Variants in HEATR5B observed in about 807,000 individuals in gnomAD.
The protein encoded by HEATR5B is HEAT repeat-containing protein 5B.
Under a neutral mutation model 224.1 loss-of-function variants are expected in HEATR5B, and 156 were observed. That is an observed-to-expected ratio of 0.70 (90% CI 0.61 to 0.80). The LOEUF (loss-of-function observed/expected upper bound fraction) is 0.80. Among genes scored for constraint, HEATR5B ranks in the 30% least tolerant of loss-of-function variants. HEATR5B has a pLI of 0.00. For synonymous variants in HEATR5B, 1,027 were observed against 893.0 expected (o/e 1.15, Z -2.68); for missense variants, 2,323 against 2,535.5 (o/e 0.92, Z 1.80).
chr2:37,060,071 G>A (rs560626226), intron 12 of HEATR5B, among the ~76,000 whole-genome samples: 111 of 152,252 alleles, frequency 7.3e-4, no homozygotes, highest in Non-Finnish European at 1.4e-3. Flanking sequence ...TTTCCTGTAA[G>A]CTGTTAACTC....
rs1670925857 is a variant in HEATR5B at position 37,056,575 on chromosome 2, T to C, written c.2264A>G (p.His755Arg). 1.2e-6 allele frequency: 2 copies of C among 1,611,972 alleles called. No individual in the cohort carries two copies. The highest frequency in any genetic ancestry group is 1.7e-6 in the Non-Finnish European group (2 of 1,179,024). Residue 755 changes from histidine to arginine, a missense_variant, in exon 16 of 36, where the codon CAT becomes CGT. Coordinates refer to ENST00000233099, the MANE Select transcript of HEATR5B (RefSeq NM_019024.3). The stretch of plus-strand genomic sequence containing the variant: ...GCGTAAATAAATAGAGGAAGGATCA[T>C]GCTCCAGAGCCCCACTTCCAGAGGC... ...NSASGSGALE[H>R]DPSSIYLRIP... is the part of the protein sequence containing the mutation.
chr2:36,986,770 C>T (rs918539935), intron 35 of HEATR5B, among the ~76,000 whole-genome samples: 29 of 152,102 alleles, frequency 1.9e-4, no homozygotes, highest in Non-Finnish European at 2.4e-4. Context: ...GCGCATACCA[C>T]GAGGCCTGGC....
intron 33 of HEATR5B, among the ~76,000 whole-genome samples, chr2:36,995,310 C>T (rs1351235581): frequency 2.0e-5 from 3 of 151,906 alleles, no homozygotes; most frequent in East Asian, 1.9e-4. Flanking sequence ...AGCCTGGTCT[C>T]GAACTCCTGA....
Position 37,075,600 on chromosome 2 carries a change from T to G in HEATR5B, c.482A>C (p.Gln161Pro), listed in dbSNP as rs771472675. The G allele has an allele frequency of 5.6e-6, 9 of 1,613,550 alleles. No homozygotes were observed. Among genetic ancestry groups the G allele is most frequent in the Non-Finnish European group, 7.6e-6 (9 of 1,179,710 alleles). Residue 161 changes from glutamine (Q) to proline (P), a missense_variant, in exon 5 of 36, where the codon CAG (glutamine) becomes CCG (proline). By Grantham distance (76) the Gln-to-Pro change is moderately conservative (BLOSUM62 -1). Coordinates refer to ENST00000233099, the MANE Select transcript of HEATR5B (RefSeq NM_019024.3). ...ACCACCCAGTCCACTTAGAACTTTC[T>G]GTAGACTCATTAAGATTTCACTTCG... ...QGRSEILMSL[Q>P]KVLSGLGGAA...
At chr2:37,072,894 G>C (rs778498877) in intron 5 of HEATR5B, among the ~76,000 whole-genome samples, 10 of 152,162 alleles carry the variant, frequency 6.6e-5, no homozygotes, top group Non-Finnish European at 1.0e-4. Flanking sequence ...AGAGGAAATA[G>C]ACAATTCACT....
intron 18 of HEATR5B, among the ~76,000 whole-genome samples, chr2:37,046,380 T>C (rs1224052590): frequency 1.3e-5 from 2 of 152,168 alleles, no homozygotes; most frequent in Admixed American, 6.5e-5. Flanking sequence ...GGCTCATGTC[T>C]GTAATCGCAG....
chr2:37,005,611 T>A (rs765117329), intron 30 of HEATR5B, 21 bp downstream of exon 30: 2 of 1,606,056 alleles, frequency 1.2e-6, no homozygotes, highest in Admixed American at 3.4e-5. Flanking sequence ...CACAAGTATC[T>A]ATCATAGCAA....
At chr2:37,047,001 G>A (rs1024949520) in intron 18 of HEATR5B, among the ~76,000 whole-genome samples, 3 of 119,972 alleles carry the variant, frequency 2.5e-5, no homozygotes, top group African/African-American at 6.7e-5. Flanking sequence ...AGTGAGCCAA[G>A]ATTGCACATC....
intron 26 of HEATR5B, among the ~76,000 whole-genome samples, chr2:37,019,460 CTT>C (rs754220468): frequency 2.9e-4 from 41 of 143,332 alleles, no homozygotes; most frequent in Admixed American, 4.2e-4. Flanking sequence ...TCCTCTCTCT[CTT>C]TTTTTTTTTT....
chr2:37,059,446 G>GTGTGTATA (rs1354982525), intron 12 of HEATR5B, among the ~76,000 whole-genome samples: 28 of 42,298 alleles, frequency 6.6e-4, no homozygotes, highest in African/African-American at 2.0e-3. Flanking sequence ...GTGTGTGTGT[G>GTGTGTATA]TATATATATA....
At chr2:37,063,728 T>C (rs1298896224) in intron 10 of HEATR5B, among the ~76,000 whole-genome samples, 5 of 152,048 alleles carry the variant, frequency 3.3e-5, no homozygotes, top group African/African-American at 1.2e-4. Flanking sequence ...AATATTTATA[T>C]AAACACTTAA....
chr2:37,023,651 G>A (rs998095571), intron 24 of HEATR5B, among the ~76,000 whole-genome samples: 1 of 151,956 alleles, frequency 6.6e-6, no homozygotes, highest in Non-Finnish European at 1.5e-5. Context: ...TGCCTGTAAT[G>A]TCAGCAGCTC....
At position 37,070,428 on chromosome 2, in the gene HEATR5B, T is replaced by C. The variant is rs1334527998; in HGVS notation, c.770-41A>G. 3.3e-6 allele frequency: 5 copies of C among 1,492,652 alleles called. No homozygotes were observed. In the African/African-American group the frequency reaches 5.5e-5, roughly 17 times the overall value. 92.5% of individuals were successfully genotyped at this position (1,492,652 alleles called of 1,614,324 possible). Reference sequence around the variant, plus strand: ...ATTAAAGTATAAGCAAATATATTTCTGAGGCACTCTAGCTTAATAATTCAA... The same window carrying C: ...ATTAAAGTATAAGCAAATATATTTCCGAGGCACTCTAGCTTAATAATTCAA... On this transcript the variant is annotated intron_variant, in intron 6 of 35. Coordinates refer to ENST00000233099, the MANE Select transcript of HEATR5B (RefSeq NM_019024.3).
chr2:37,054,618 GGGACTACAGGTGTT>G (rs1558351054), intron 16 of HEATR5B, among the ~76,000 whole-genome samples: 1 of 150,790 alleles, frequency 6.6e-6, no homozygotes, highest in Non-Finnish European at 1.5e-5. Flanking sequence ...CCGAGTAGCT[GGGACTACAGGTGTT>G]CGCCACTACA....
At chr2:37,044,616 T>TA (rs1670077196) in intron 18 of HEATR5B, among the ~76,000 whole-genome samples, 1 of 152,224 alleles carries the variant, frequency 6.6e-6, no homozygotes, top group African/African-American at 2.4e-5. Flanking sequence ...TTCTCTTAGG[T>TA]AAATACCTAG....
chr2:37,015,360 G>C (rs556702900), intron 26 of HEATR5B, among the ~76,000 whole-genome samples: 1 of 152,256 alleles, frequency 6.6e-6, no homozygotes, highest in Admixed American at 6.5e-5. Context: ...CAGTACTTCT[G>C]TATAAGAAAA....
In HEATR5B at chr2:37,038,037, G is replaced by A; in HGVS notation, c.3047-13C>T. 1 of 1,454,486 alleles carries A rather than the reference G, an allele frequency of 6.9e-7. No individual in the cohort carries two copies. Among genetic ancestry groups the A allele is most frequent in the Non-Finnish European group, 9.2e-7 (1 of 1,091,488 alleles). The allele number at this position is 1,454,486 out of a possible 1,614,324, so 90.1% of individuals were successfully genotyped here. On this transcript the variant is annotated splice_polypyrimidine_tract_variant and intron_variant, in intron 20 of 35. Transcript: ENST00000233099. The stretch of plus-strand genomic sequence containing the variant: ...GTTGCTCCATTCCCTGGTGCAAAAT[G>A]AAAGAAAATATAAAATATAATTATT...
At position 37,060,586 on chromosome 2, in the gene HEATR5B, A is replaced by G; in HGVS notation, c.1844T>C (p.Leu615Pro). ...QVTLEGRAGA[L>P]CAMRSFVAHC... is the part of the protein sequence containing the mutation. ...ACAATCCTTTCAGTTCTTACCACAT[A>G]GAGCTCCAGCACGACCTTCCAAAGT... Residue 615 changes from leucine to proline, a missense_variant, in exon 12 of 36, where the codon CTA becomes CCA. By Grantham distance (98) the Leu-to-Pro change is moderately conservative (BLOSUM62 -3). Around this residue, in one of 12 missense-constraint regions of HEATR5B, gnomAD observed 502 missense variants for 517.8 expected, o/e 0.97. Transcript: ENST00000233099. 6.2e-7 allele frequency: 1 copy of G among 1,613,072 alleles called. No homozygotes were observed. Among genetic ancestry groups the G allele is most frequent in the Admixed American group, 1.7e-5 (1 of 59,922 alleles).
At chr2:37,058,825 G>T in intron 13 of HEATR5B, 63 bp downstream of exon 13, 1 of 997,226 alleles carries the variant, frequency 1.0e-6, no homozygotes, top group South Asian at 1.6e-5. Flanking sequence ...CACAAAATAT[G>T]GCTGAGAAGT....
Sources: gnomAD v4.1 joint callset for allele counts (sites outside exome capture counted in the v4.1 genomes callset) on GRCh38, gnomAD v4.1.1 for gene constraint, gnomAD v4.1.1 regional missense constraint, MANE v1.5 for transcripts, NCBI Gene and HGNC (gene_info 2026-07-23, HGNC 2026-07-21) for gene names.